ASTN2: variants seen among roughly 807,000 people sequenced by gnomAD.
ASTN2 encodes astrotactin-2.
A neutral mutation model predicts 139.8 loss-of-function variants in ASTN2; 54 were observed. The observed-to-expected ratio is 0.39, with a 90% CI of 0.31 to 0.48. ASTN2 has a LOEUF of 0.48. Ranked by LOEUF, ASTN2 falls within the 20% of genes least tolerant of loss-of-function variation. The pLI is 0.95. For missense variants in ASTN2, 1,565 were observed against 1,725.1 expected (o/e 0.91, Z 1.64); for synonymous variants, 756 against 719.5 (o/e 1.05, Z -0.81).
intron 16 of ASTN2, among the ~76,000 whole-genome samples, chr9:116,677,077 C>T (rs900720725): frequency 6.6e-6 from 1 of 152,140 alleles, no homozygotes; most frequent in Non-Finnish European, 1.5e-5. Context: ...TAAAAGTCAG[C>T]TTAATTAAAA....
intron 2 of ASTN2, among the ~76,000 whole-genome samples, chr9:117,230,296 C>A (rs4838300): frequency 0.39 from 59,507 of 151,802 alleles, 14,152 homozygotes; most frequent in East Asian, 0.67. Flanking sequence ...CAAGCTCCCT[C>A]CAAAGGCTCT....
At chr9:116,790,974 A>AGAAAGAAAGAAAGAAAAGAAAGAAG (rs1830523807) in intron 13 of ASTN2, among the ~76,000 whole-genome samples, 13 of 46,550 alleles carry the variant, frequency 2.8e-4, no homozygotes, top group Non-Finnish European at 4.7e-4. Flanking sequence ...AAGGAAAGAA[A>AGAAAGAAAGAAAGAAAAGAAAGAAG]GAAAGAAAGA....
At chr9:117,399,539 T>A (rs954917529) in intron 1 of ASTN2, among the ~76,000 whole-genome samples, 17 of 152,244 alleles carry the variant, frequency 1.1e-4, no homozygotes, top group Non-Finnish European at 2.2e-4. Context: ...ACATACTTAC[T>A]TTTGCAGGCT....
intron 1 of ASTN2, among the ~76,000 whole-genome samples, chr9:117,397,836 G>A (rs1004813279): frequency 6.6e-6 from 1 of 152,154 alleles, no homozygotes; most frequent in Non-Finnish European, 1.5e-5. Context: ...CCACACAAAT[G>A]AGAAGTTTAA....
intron 10 of ASTN2, among the ~76,000 whole-genome samples, chr9:116,933,350 T>C (rs1449554186): frequency 6.6e-6 from 1 of 152,112 alleles, no homozygotes; most frequent in East Asian, 1.9e-4. Flanking sequence ...GATGCTGATG[T>C]TTTTTGTTTT....
chr9:116,434,287 T>G (rs1178155070), intron 22 of ASTN2, among the ~76,000 whole-genome samples: 2 of 152,190 alleles, frequency 1.3e-5, no homozygotes, highest in Admixed American at 6.5e-5. Context: ...CCTCTGAGAT[T>G]ATAGGAATAT....
rs374168588 is a variant in ASTN2, at chr9:117,028,714, C to T, written c.1423+11105G>A. Among the ~76,000 whole-genome samples the T allele has an allele frequency of 3.5e-4, 54 of 152,284 alleles. 1 individual carries two copies. The South Asian group carries it at 8.7e-3, about 25-fold the overall frequency. ...GCTGTTTGCTCAGCTGTCTCTGCTC[C>T]CTACCTCCCTGTTCAGGGGGCTGCA... is the stretch of plus-strand genomic sequence containing the variant. On this transcript the variant is annotated intron_variant, in intron 6 of 22. Transcript: ENST00000313400.
intron 15 of ASTN2, among the ~76,000 whole-genome samples, chr9:116,726,751 T>G (rs1464150114): frequency 2.0e-5 from 3 of 151,706 alleles, no homozygotes; most frequent in Non-Finnish European, 4.4e-5. Flanking sequence ...TGCACAGCAG[T>G]CACTCAGTAA....
At chr9:117,037,328 TC>T (rs35120593) in intron 6 of ASTN2, among the ~76,000 whole-genome samples, 19,014 of 151,966 alleles carry the variant, frequency 0.13, 1,655 homozygotes, top group East Asian at 0.45. Context: ...TCTCGGGTAA[TC>T]CCTTGATTTT....
intron 3 of ASTN2, among the ~76,000 whole-genome samples, chr9:117,156,184 T>C (rs1830429310): frequency 6.6e-6 from 1 of 152,080 alleles, no homozygotes; most frequent in African/African-American, 2.4e-5. Flanking sequence ...GGCTCCACGA[T>C]GCATGCATTA....
rs563802333 is a variant in ASTN2, at chr9:116,482,379, G to A, written c.3497+4980C>T. On this transcript the variant is annotated intron_variant, in intron 20 of 22. Transcript: ENST00000313400. ...ACTACCCTATCTCTAGGTTTATCAT[G>A]AGAATTGAATGAGATAGTACACATA... 1.8e-4 allele frequency among the ~76,000 whole-genome samples: 27 copies of A among 152,214 alleles called. No homozygotes were observed. The East Asian group carries it at 4.5e-3, about 25-fold the overall frequency.
chr9:116,959,118 A>AG (rs2132499832), intron 10 of ASTN2, among the ~76,000 whole-genome samples: 1 of 152,208 alleles, frequency 6.6e-6, no homozygotes, highest in African/African-American at 2.4e-5. Context: ...CTGTGTGGAG[A>AG]GGGTGAGTGT....
chr9:117,383,348 G>A (rs899082012), intron 1 of ASTN2, among the ~76,000 whole-genome samples: 1 of 152,146 alleles, frequency 6.6e-6, no homozygotes, highest in East Asian at 1.9e-4. Context: ...AGACCAGTGG[G>A]TGCCTACAAA....
chr9:117,213,585 T>C (rs1349318273), intron 3 of ASTN2, among the ~76,000 whole-genome samples: 2 of 151,968 alleles, frequency 1.3e-5, no homozygotes, highest in African/African-American at 2.4e-5. Flanking sequence ...TTTGTCAATA[T>C]AAAAAAACAT....
chr9:117,034,972 A>G (rs1459967191), intron 6 of ASTN2, among the ~76,000 whole-genome samples: 1 of 152,174 alleles, frequency 6.6e-6, no homozygotes, highest in African/African-American at 2.4e-5. Flanking sequence ...AACATTGAGT[A>G]TAACTATGCA....
At chr9:117,036,517 A>C (rs1481860639) in intron 6 of ASTN2, among the ~76,000 whole-genome samples, 1 of 152,138 alleles carries the variant, frequency 6.6e-6, no homozygotes, top group Non-Finnish European at 1.5e-5. Flanking sequence ...TTTCATATGA[A>C]AATTAACCAA....
intron 22 of ASTN2, among the ~76,000 whole-genome samples, 179 bp downstream of exon 22, chr9:116,440,430 G>C (rs1182269669): frequency 6.6e-6 from 1 of 152,152 alleles, no homozygotes; most frequent in African/African-American, 2.4e-5. Flanking sequence ...GGAATCTAAA[G>C]TTCCAAGATT....
chr9:116,884,916 T>C (rs1346530877), intron 10 of ASTN2, among the ~76,000 whole-genome samples: 3 of 150,348 alleles, frequency 2.0e-5, no homozygotes, highest in Non-Finnish European at 4.4e-5. Flanking sequence ...CCTGGGTTCA[T>C]GCCATTCTCC....
intron 2 of ASTN2, among the ~76,000 whole-genome samples, chr9:117,238,684 G>A (rs1379196275): frequency 6.6e-6 from 1 of 152,156 alleles, no homozygotes; most frequent in Non-Finnish European, 1.5e-5. Context: ...TCACTGACTA[G>A]TTGCTTGACT....
Sources: gnomAD v4.1 joint callset for allele counts (sites outside exome capture counted in the v4.1 genomes callset) on GRCh38, gnomAD v4.1.1 for gene constraint, MANE v1.5 for transcripts, NCBI Gene and HGNC (gene_info 2026-07-23, HGNC 2026-07-21) for gene names.